The following ANKFY1 variants were observed in gnomAD, a reference collection of about 807,000 sequenced individuals.
ANKFY1 encodes the protein ankyrin repeat and FYVE domain-containing protein 1.
A neutral mutation model predicts 128.3 loss-of-function variants in ANKFY1; 47 were observed. The ratio of observed to expected loss-of-function variants is 0.37; its 90% CI spans 0.29 to 0.47. The LOEUF is 0.47. ANKFY1 is among the 20% of genes least tolerant of loss of function. ANKFY1 has a pLI of 1.00. For synonymous variants in ANKFY1, 553 were observed against 601.6 expected (o/e 0.92, Z 1.18); for missense variants, 1,222 against 1,510.6 (o/e 0.81, Z 3.17).
intron 7 of ANKFY1, among the ~76,000 whole-genome samples, chr17:4,198,220 ATT>A (rs1259892595): frequency 2.7e-5 from 4 of 150,300 alleles, no homozygotes; most frequent in Non-Finnish European, 5.9e-5. Context: ...TCCCTACACA[ATT>A]TCTCTCTCTC....
chr17:4,256,637 A>G (rs1968146564), intron 1 of ANKFY1, among the ~76,000 whole-genome samples: 1 of 152,192 alleles, frequency 6.6e-6, no homozygotes, highest in Non-Finnish European at 1.5e-5. Flanking sequence ...TAGTGCCATT[A>G]ATCATGAATA....
At position 4,183,403 on chromosome 17, in the gene ANKFY1, A is replaced by T; in HGVS notation, c.1947T>A (p.Asn649Lys). 1 of 1,613,726 alleles carries T rather than the reference A, an allele frequency of 6.2e-7. No individual in the cohort carries two copies. The highest frequency in any genetic ancestry group is 8.5e-7 in the Non-Finnish European group (1 of 1,179,890). Residue 649 changes from asparagine to lysine, a missense_variant, in exon 14 of 25, where the codon AAT becomes AAA. Coordinates refer to ENST00000341657, the MANE Select transcript of ANKFY1 (RefSeq NM_001330063.2). Reference sequence around the variant, plus strand: ...AGAGAGCGGCTTCCTCCTACCTGACATTTATATCTGCCTGGTGCTCCAGCA... The same window carrying T: ...AGAGAGCGGCTTCCTCCTACCTGACTTTTATATCTGCCTGGTGCTCCAGCA... ...LFLLEHQADI[N>K]VRTQDGETAL...
intron 11 of ANKFY1, chr17:4,186,878 T>C (rs923305467): frequency 9.6e-7 from 1 of 1,041,372 alleles, no homozygotes; most frequent in Non-Finnish European, 1.2e-6. Flanking sequence ...TCCCACTGCC[T>C]GTTAGACATC....
At chr17:4,183,060 T>G (rs1005581561) in intron 14 of ANKFY1, among the ~76,000 whole-genome samples, 4 of 152,196 alleles carry the variant, frequency 2.6e-5, no homozygotes, top group Non-Finnish European at 4.4e-5. Context: ...GAGCCGAGAT[T>G]GTGCCACTGC....
intron 2 of ANKFY1, 125 bp downstream of exon 2, chr17:4,242,131 A>C: frequency 2.2e-6 from 2 of 923,546 alleles, no homozygotes; most frequent in Non-Finnish European, 1.5e-6. Context: ...CTTCTATTCT[A>C]GGGAATCGAT....
At chr17:4,175,401 G>A (rs146094243) in intron 19 of ANKFY1, among the ~76,000 whole-genome samples, 134 of 152,084 alleles carry the variant, frequency 8.8e-4, no homozygotes, top group African/African-American at 3.1e-3. Context: ...CAACACAGCC[G>A]GAGGGACCTT....
intron 4 of ANKFY1, among the ~76,000 whole-genome samples, chr17:4,210,662 C>T (rs1260486465): frequency 3.1e-5 from 3 of 97,494 alleles, no homozygotes; most frequent in Non-Finnish European, 4.0e-5. Flanking sequence ...GAGCTGAGAT[C>T]GTGCCATTGC....
At chr17:4,240,569 T>G (rs1331293186) in intron 2 of ANKFY1, among the ~76,000 whole-genome samples, 7 of 151,746 alleles carry the variant, frequency 4.6e-5, no homozygotes, top group Admixed American at 1.3e-4. Context: ...TTTTTGTAGT[T>G]TTAGTAGAGA....
chr17:4,244,712 A>G (rs139660649), intron 1 of ANKFY1, among the ~76,000 whole-genome samples: 1 of 152,098 alleles, frequency 6.6e-6, no homozygotes, highest in East Asian at 1.9e-4. Flanking sequence ...CTTCCTCAGA[A>G]AGGGTATCTC....
At chr17:4,179,443 G>A (rs1315705621) in intron 17 of ANKFY1, 6 of 534,764 alleles carry the variant, frequency 1.1e-5, no homozygotes, top group South Asian at 2.5e-5. Flanking sequence ...CCTAAATACA[G>A]TATGCGATTT....
At chr17:4,256,781 T>C (rs890490113) in intron 1 of ANKFY1, among the ~76,000 whole-genome samples, 6 of 152,334 alleles carry the variant, frequency 3.9e-5, no homozygotes, top group African/African-American at 7.2e-5. Flanking sequence ...TCTGGCACAG[T>C]AGCTTGCACC....
At position 4,207,660 on chromosome 17, in the gene ANKFY1, T is replaced by C. The variant is rs114884262; in HGVS notation, c.732+273A>G. 4.9e-3 allele frequency among the ~76,000 whole-genome samples: 748 copies of C among 152,104 alleles called. 5 individuals carry two copies. The highest frequency in any genetic ancestry group is 0.018 in the African/African-American group (728 of 41,432). On this transcript the variant is annotated intron_variant, in intron 6 of 24. Coordinates refer to ENST00000341657, the MANE Select transcript of ANKFY1 (RefSeq NM_001330063.2). ...CAGCAAAAGTAAACTAACACAGATTTTGGCACCTAAAAGTTAAGAAGCGTT... is the reference window on the plus strand; with the variant it reads ...CAGCAAAAGTAAACTAACACAGATTCTGGCACCTAAAAGTTAAGAAGCGTT...
At chr17:4,197,225 C>T in intron 8 of ANKFY1, 148 bp downstream of exon 8, 1 of 794,450 alleles carries the variant, frequency 1.3e-6, no homozygotes, top group Non-Finnish European at 2.0e-6. Flanking sequence ...GACACTACTA[C>T]TACACATCGA....
At chr17:4,173,751 A>C (rs2059364882) in intron 20 of ANKFY1, among the ~76,000 whole-genome samples, 158 bp downstream of exon 20, 1 of 152,216 alleles carries the variant, frequency 6.6e-6, no homozygotes, top group African/African-American at 2.4e-5. Context: ...AGGCCTGGGC[A>C]GTCGCAGGTT....
chr17:4,263,750 T>C (rs1040218481), intron 1 of ANKFY1, 182 bp downstream of exon 1: 23 of 1,507,748 alleles, frequency 1.5e-5, no homozygotes, highest in Admixed American at 1.1e-4. Context: ...GACGTTGTCA[T>C]AGGAACCGCG....
At chr17:4,174,130 C>G in intron 19 of ANKFY1, 74 bp from the exon 20 acceptor site, 1 of 1,546,984 alleles carries the variant, frequency 6.5e-7, no homozygotes, top group Non-Finnish European at 8.8e-7. Context: ...GCCGAGCCTG[C>G]TTGTCTTCTG....
chr17:4,206,202 C>T (rs1261378138), intron 7 of ANKFY1, 119 bp downstream of exon 7: 10 of 1,039,288 alleles, frequency 9.6e-6, no homozygotes, highest in Non-Finnish European at 1.4e-5. Context: ...GATCATGTAG[C>T]CTGTGAGTAC....
chr17:4,206,909 T>C (rs936079560), intron 6 of ANKFY1, among the ~76,000 whole-genome samples: 5 of 152,176 alleles, frequency 3.3e-5, no homozygotes, highest in Non-Finnish European at 5.9e-5. Flanking sequence ...TAAAACATAC[T>C]TCGCTCCCAT....
intron 6 of ANKFY1, 31 bp from the exon 7 acceptor site, chr17:4,206,517 A>C (rs759306977): frequency 6.3e-7 from 1 of 1,598,050 alleles, no homozygotes. Context: ...ATTAGCGCCC[A>C]GTGAGTAGAG....
Sources: allele counts gnomAD v4.1 joint callset (sites outside exome capture counted in the v4.1 genomes callset), GRCh38; gene constraint gnomAD v4.1.1; transcripts MANE v1.5; gene names NCBI Gene and HGNC (gene_info 2026-07-23, HGNC 2026-07-21).